The following CAPN13 variants were observed in gnomAD, a reference collection of about 807,000 sequenced individuals.
CAPN13 encodes calpain 13.
Under a neutral mutation model 98.4 loss-of-function variants are expected in CAPN13, and 90 were observed. The ratio of observed to expected loss-of-function variants is 0.92; its 90% confidence interval spans 0.77 to 1.09. The LOEUF (loss-of-function observed/expected upper bound fraction) is 1.09, where lower values mean the gene tolerates loss of function less well. CAPN13 is among the 50% of genes least tolerant of loss of function. CAPN13 has a pLI of 0.00. For synonymous variants in CAPN13, 330 were observed against 305.5 expected (o/e 1.08, Z -0.84); for missense variants, 887 against 841.3 (o/e 1.05, Z -0.67).
chr2:30,758,603 G>A (rs781223370), intron 7 of CAPN13, among the ~76,000 whole-genome samples: 6 of 152,144 alleles, frequency 3.9e-5, no homozygotes, highest in South Asian at 2.1e-4. Flanking sequence ...TGTCGTGAGT[G>A]AGGAGGGTAG....
intron 17 of CAPN13, 58 bp from the exon 18 acceptor site, chr2:30,736,629 C>A: frequency 3.3e-6 from 5 of 1,525,286 alleles, no homozygotes; most frequent in Non-Finnish European, 4.5e-6. Flanking sequence ...GGGCTGCCAT[C>A]CTGCCAACAA....
chr2:30,735,153 C>T (rs1268182074), intron 18 of CAPN13, among the ~76,000 whole-genome samples: 1 of 152,192 alleles, frequency 6.6e-6, no homozygotes, highest in Non-Finnish European at 1.5e-5. Flanking sequence ...TATGGGGCGG[C>T]TCTTGCACCC....
intron 17 of CAPN13, 164 bp from the exon 18 acceptor site, chr2:30,736,735 G>T: frequency 1.6e-6 from 1 of 628,638 alleles, no homozygotes; most frequent in Non-Finnish European, 2.8e-6. Flanking sequence ...GTCTGAAAGG[G>T]ACCTGGCTTA....
At chr2:30,726,548 C>G (rs938561788) in intron 22 of CAPN13, among the ~76,000 whole-genome samples, 1 of 151,904 alleles carries the variant, frequency 6.6e-6, no homozygotes, top group African/African-American at 2.4e-5. Context: ...GATATAAGAT[C>G]AATATAAAAA....
rs1424716799 is a variant in CAPN13 at position 30,764,361 on chromosome 2, A to T, written c.525-55T>A. ...GGTGCCTTTGGTGAGATGCTCTGGG[A>T]GGGGAGCTTGTGCACTGATCCTCTG... On this transcript the variant is annotated intron_variant, in intron 5 of 22. Transcript: ENST00000295055. The T allele has an allele frequency of 3.2e-6, 5 of 1,583,546 alleles. No homozygotes were observed. In the East Asian group the frequency reaches 1.1e-4, roughly 36 times the overall value.
At position 30,775,917 on chromosome 2, in the gene CAPN13, A is replaced by G; in HGVS notation, c.387+13T>C. On this transcript the variant is annotated intron_variant, in intron 4 of 22. Coordinates refer to ENST00000295055, the MANE Select transcript of CAPN13 (RefSeq NM_144575.3). ...ACCCCATCATATAATGAGCGCTGCA[A>G]GGGCACACGTACCCGGAAACGGAAA... The G allele has an allele frequency of 2.5e-6, 4 of 1,594,514 alleles. No homozygotes were observed. In the South Asian group the frequency reaches 3.4e-5, roughly 14 times the overall value.
intron 2 of CAPN13, among the ~76,000 whole-genome samples, chr2:30,778,183 C>T (rs773378220): frequency 6.6e-5 from 10 of 152,140 alleles, no homozygotes; most frequent in South Asian, 2.1e-4. Flanking sequence ...ACTCACAGAC[C>T]GGGTCTGGAA....
At chr2:30,743,225 C>T (rs1671744630) in intron 13 of CAPN13, 158 bp downstream of exon 13, 1 of 696,848 alleles carries the variant, frequency 1.4e-6, no homozygotes, top group Non-Finnish European at 2.5e-6. Flanking sequence ...TTTCTCGCTC[C>T]CCCTTTATGG....
At position 30,732,615 on chromosome 2, in the gene CAPN13, G is replaced by A. The variant is rs754636607; in HGVS notation, c.1799-49C>T. 8.3e-6 allele frequency: 13 copies of A among 1,572,476 alleles called. No homozygotes were observed. In the Admixed American group the frequency reaches 2.4e-4, roughly 29 times the overall value. ...AGTGAGAGGAGGCTAGGGCTCGGGG[G>A]TTCCTCTGCCTCTCAGGGTCTGAGA... On this transcript the variant is annotated intron_variant, in intron 19 of 22. Transcript: ENST00000295055.
intron 9 of CAPN13, among the ~76,000 whole-genome samples, chr2:30,753,468 G>A (rs1672282761): frequency 6.6e-6 from 1 of 152,196 alleles, no homozygotes; most frequent in African/African-American, 2.4e-5. Flanking sequence ...TTGATCCGAT[G>A]GTGAGCCCTT....
chr2:30,765,263 T>C (rs182349572), intron 5 of CAPN13, among the ~76,000 whole-genome samples: 1 of 152,304 alleles, frequency 6.6e-6, no homozygotes, highest in Admixed American at 6.5e-5. Flanking sequence ...TCTTGAAATT[T>C]AGGCAGGGCA....
At chr2:30,783,389 G>A (rs1030166044) in intron 2 of CAPN13, among the ~76,000 whole-genome samples, 2 of 152,156 alleles carry the variant, frequency 1.3e-5, no homozygotes, top group African/African-American at 2.4e-5. Flanking sequence ...CTGGCTGGGG[G>A]AGGGGGAGGG....
intron 5 of CAPN13, among the ~76,000 whole-genome samples, chr2:30,768,238 A>AC (rs1673207181): frequency 1.3e-5 from 2 of 152,232 alleles, no homozygotes; most frequent in African/African-American, 2.4e-5. Context: ...GGCTTGACCA[A>AC]TAAGACTCCA....
At position 30,753,095 on chromosome 2, in the gene CAPN13, G is replaced by T. The variant is rs62142192; in HGVS notation, c.1045C>A (p.Gln349Lys). Reference sequence around the variant, plus strand: ...ATCACTTGCTTCCTAAACATTATTTGGGACCATCCTTCGTGGAGTGTGTTT... The same window carrying T: ...ATCACTTGCTTCCTAAACATTATTTTGGACCATCCTTCGTGGAGTGTGTTT... ...HGNTLHEGWS[Q>K]IMFRKQVILG... Residue 349 changes from glutamine to lysine, a missense_variant, in exon 10 of 23, where the codon CAA becomes AAA. Physicochemically the swap from Gln to Lys is moderately conservative, Grantham distance 53 (BLOSUM62 1). Transcript: ENST00000295055. 0.16 allele frequency: 264,241 copies of T among 1,613,678 alleles called. 24,596 individuals carry two copies. The highest frequency in any genetic ancestry group is 0.19 in the Non-Finnish European group (229,494 of 1,179,618).
chr2:30,749,565 A>T (rs900215972), intron 11 of CAPN13, among the ~76,000 whole-genome samples: 9 of 152,170 alleles, frequency 5.9e-5, no homozygotes, highest in Non-Finnish European at 1.2e-4. Flanking sequence ...AGACCCTGTA[A>T]TTCAAGCTCC....
At chr2:30,742,506 G>T in intron 13 of CAPN13, 147 bp from the exon 14 acceptor site, 1 of 825,126 alleles carries the variant, frequency 1.2e-6, no homozygotes, top group Non-Finnish European at 2.0e-6. Flanking sequence ...GAAGTGAGCA[G>T]CTACAGCACC....
chr2:30,782,263 C>T (rs2030385), intron 2 of CAPN13, among the ~76,000 whole-genome samples: 111,280 of 152,180 alleles, frequency 0.73, 41,252 homozygotes, highest in African/African-American at 0.85. Context: ...CACGGCATGC[C>T]GCTCTTGGAT....
intron 1 of CAPN13, among the ~76,000 whole-genome samples, chr2:30,805,920 C>A (rs1242828387): frequency 6.6e-6 from 1 of 151,768 alleles, no homozygotes; most frequent in Non-Finnish European, 1.5e-5. Flanking sequence ...CCACATGTAG[C>A]TAATATTTTT....
In CAPN13 at chr2:30,787,266, G is replaced by C; in HGVS notation, c.60C>G (p.Asp20Glu). The change falls in exon 2 of 23, where the codon GAC becomes GAG. Residue 20 changes from aspartate (D) to glutamate (E), a missense_variant. Coordinates refer to ENST00000295055, the MANE Select transcript of CAPN13 (RefSeq NM_144575.3). ...GGCAGTGATCCCGCAAGGTGGTAAA[G>C]TCCTGGTCTTTGAACTTGATGATGG... Reference protein sequence around the residue: ...ETSIIKFKDQDFTTLRDHCLS... With the variant: ...ETSIIKFKDQEFTTLRDHCLS... The C allele has an allele frequency of 6.2e-7, 1 of 1,613,434 alleles. No homozygotes were observed. The highest frequency in any genetic ancestry group is 1.3e-5 in the African/African-American group (1 of 75,068).
Sources: gnomAD v4.1 joint callset for allele counts (sites outside exome capture counted in the v4.1 genomes callset) on GRCh38, gnomAD v4.1.1 for gene constraint, MANE v1.5 for transcripts, NCBI Gene and HGNC (gene_info 2026-07-23, HGNC 2026-07-21) for gene names.